Variants in ITGA1 observed in about 807,000 individuals in gnomAD.
ITGA1 encodes integrin subunit alpha 1.
Under a neutral mutation model 145.9 loss-of-function variants are expected in ITGA1, and 85 were observed. The observed-to-expected ratio is 0.58, with a 90% CI of 0.49 to 0.70. The LOEUF is 0.70. Ranked by LOEUF, ITGA1 falls within the 30% of genes least tolerant of loss-of-function variation. The pLI is 0.00. For missense variants in ITGA1, 1,351 were observed against 1,418.7 expected, an observed-to-expected ratio of 0.95 and a Z score of 0.77; for synonymous variants, 520 against 495.3, an observed-to-expected ratio of 1.05 and a Z score of -0.66.
intron 2 of ITGA1, 113 bp downstream of exon 2, chr5:52,849,598 G>A: frequency 2.0e-6 from 2 of 989,790 alleles, no homozygotes; most frequent in South Asian, 2.7e-5. Flanking sequence ...AATTATTTAT[G>A]GTAGAAAATG....
intron 11 of ITGA1, among the ~76,000 whole-genome samples, chr5:52,900,670 G>A (rs899044569): frequency 2.0e-5 from 3 of 152,170 alleles, no homozygotes; most frequent in Admixed American, 1.3e-4. Flanking sequence ...ATTAGCGATA[G>A]CGATGAGGTC....
chr5:52,895,111 A>C (rs911103437), intron 9 of ITGA1, among the ~76,000 whole-genome samples: 4 of 152,140 alleles, frequency 2.6e-5, no homozygotes, highest in African/African-American at 9.7e-5. Flanking sequence ...TCAATGAAAA[A>C]AAAATGCTGG....
intron 1 of ITGA1, chr5:52,825,323 C>CATAG (rs1374622589): frequency 6.6e-6 from 1 of 152,182 alleles, no homozygotes; most frequent in African/African-American, 2.4e-5. Flanking sequence ...TATTGTGCTT[C>CATAG]ATAGATACTG....
intron 24 of ITGA1, among the ~76,000 whole-genome samples, chr5:52,938,300 C>T (rs2111898092): frequency 6.6e-6 from 1 of 151,892 alleles, no homozygotes; most frequent in East Asian, 1.9e-4. Flanking sequence ...AATATTGCAC[C>T]CCCTTTATAT....
In ITGA1 at chr5:52,906,503, A is replaced by G. The variant is rs1053224180; in HGVS notation, c.1455+595A>G. On this transcript the variant is annotated intron_variant, in intron 12 of 28. Coordinates refer to ENST00000282588, the MANE Select transcript of ITGA1 (RefSeq NM_181501.2). ...TTTGGGAAATGATACATGAAATAAC[A>G]TTTACATATGTATATATAAAAACTG... is the stretch of plus-strand genomic sequence containing the variant. Among the ~76,000 whole-genome samples, 6 of 152,364 alleles carry G rather than the reference A, an allele frequency of 3.9e-5. No homozygotes were observed. The East Asian group carries it at 1.2e-3, about 29-fold the overall frequency.
intron 1 of ITGA1, among the ~76,000 whole-genome samples, chr5:52,835,954 G>GTAT (rs1749155843): frequency 6.6e-6 from 1 of 152,076 alleles, no homozygotes; most frequent in Non-Finnish European, 1.5e-5. Context: ...GCCGATAATT[G>GTAT]TAGAAACACC....
chr5:52,805,031 CAT>C (rs923371090), intron 1 of ITGA1, among the ~76,000 whole-genome samples: 1 of 152,032 alleles, frequency 6.6e-6, no homozygotes, highest in South Asian at 2.1e-4. Context: ...GGAGGACAAA[CAT>C]GTAAGCAAAT....
chr5:52,934,522 C>T (rs551808562), intron 23 of ITGA1, among the ~76,000 whole-genome samples: 26 of 151,958 alleles, frequency 1.7e-4, no homozygotes, highest in Admixed American at 1.6e-3. Flanking sequence ...CTATAAATTA[C>T]TCATGTTGGT....
intron 1 of ITGA1, among the ~76,000 whole-genome samples, chr5:52,839,645 C>T (rs189354745): frequency 2.0e-5 from 3 of 152,220 alleles, no homozygotes; most frequent in Admixed American, 6.6e-5. Context: ...CATATAATTT[C>T]TTCTCAGTAA....
At chr5:52,882,488 A>G (rs1031071018) in intron 7 of ITGA1, among the ~76,000 whole-genome samples, 2 of 151,980 alleles carry the variant, frequency 1.3e-5, no homozygotes, top group African/African-American at 4.8e-5. Context: ...TAAGGCGCCA[A>G]ATTAAATATT....
intron 1 of ITGA1, among the ~76,000 whole-genome samples, chr5:52,791,759 G>A (rs1561208702): frequency 6.6e-6 from 1 of 150,686 alleles, no homozygotes; most frequent in African/African-American, 2.4e-5. Context: ...TTGTTGATTA[G>A]CCTTGAAAAA....
Position 52,915,598 on chromosome 5 carries a change from T to A in ITGA1, c.1988+4T>A. On this transcript the variant is annotated splice_donor_region_variant and intron_variant, in intron 15 of 28. Transcript: ENST00000282588. ...TTGGTGGTGCTGCCCTCTTCTGGTA[T>A]GTATTTTAATAACATCCTGTTAATC... 1.2e-6 allele frequency: 2 copies of A among 1,613,432 alleles called. No individual in the cohort carries two copies. Among genetic ancestry groups the A allele is most frequent in the Non-Finnish European group, 1.7e-6 (2 of 1,179,744 alleles).
At position 52,788,279 on chromosome 5, in the gene ITGA1, C is replaced by T; in HGVS notation, c.-75C>T. On this transcript the variant is annotated 5_prime_UTR_variant, in exon 1 of 29. Coordinates refer to ENST00000282588, the MANE Select transcript of ITGA1 (RefSeq NM_181501.2). ...GCGGCAGCGGGATAAGTGGCCCAGCCAGAGAGCGCAGCTCCCGCGCCCGGT... is the reference window on the plus strand; with the variant it reads ...GCGGCAGCGGGATAAGTGGCCCAGCTAGAGAGCGCAGCTCCCGCGCCCGGT... The T allele has an allele frequency of 8.3e-7, 1 of 1,204,786 alleles. No individual in the cohort carries two copies. The highest frequency in any genetic ancestry group is 1.7e-5 in the South Asian group (1 of 59,514). 74.6% of individuals were successfully genotyped at this position (1,204,786 alleles called of 1,614,324 possible). A position where few individuals can be genotyped will look rare whatever the true frequency, so the allele number is the denominator to read the frequency against.
chr5:52,890,876 C>T (rs1045952894), intron 8 of ITGA1, among the ~76,000 whole-genome samples: 1 of 152,168 alleles, frequency 6.6e-6, no homozygotes, highest in Non-Finnish European at 1.5e-5. Context: ...CATCCCTGCT[C>T]TTCCCCACTA....
At chr5:52,929,873 T>C (rs1056096572) in intron 21 of ITGA1, among the ~76,000 whole-genome samples, 172 bp downstream of exon 21, 4 of 149,794 alleles carry the variant, frequency 2.7e-5, no homozygotes, top group African/African-American at 5.1e-5. Context: ...TAAGAATAAT[T>C]AGCAAAATAA....
At chr5:52,950,129 G>A (rs1224853161) in intron 28 of ITGA1, among the ~76,000 whole-genome samples, 2 of 152,198 alleles carry the variant, frequency 1.3e-5, no homozygotes, top group African/African-American at 4.8e-5. Context: ...GAGGAATCTT[G>A]TAGGGGACGT....
At chr5:52,952,371 T>A in intron 28 of ITGA1, 36 bp from the exon 29 acceptor site, 1 of 1,223,408 alleles carries the variant, frequency 8.2e-7, no homozygotes, top group Non-Finnish European at 1.1e-6. Context: ...TAAATTAAAA[T>A]AGTTAATTGT....
intron 1 of ITGA1, among the ~76,000 whole-genome samples, chr5:52,825,919 GAA>G (rs33949308): frequency 0.28 from 34,291 of 124,504 alleles, 4,311 homozygotes; most frequent in Middle Eastern, 0.38. Context: ...CTCTGTCAAA[GAA>G]AAAAAAAAAA....
chr5:52,932,203 C>A (rs985543148), intron 22 of ITGA1, 67 bp downstream of exon 22: 4 of 974,634 alleles, frequency 4.1e-6, no homozygotes, highest in Non-Finnish European at 6.4e-6. Context: ...AAGTGTGGTC[C>A]CTGCCTGGCC....
Sources: allele counts gnomAD v4.1 joint callset (sites outside exome capture counted in the v4.1 genomes callset), GRCh38; gene constraint gnomAD v4.1.1; transcripts MANE v1.5; gene names NCBI Gene and HGNC (gene_info 2026-07-23, HGNC 2026-07-21).